RNF126: variants seen among roughly 807,000 people sequenced by gnomAD.
RNF126 encodes the protein ring finger protein 126, also known as E3 ubiquitin-protein ligase RNF126.
Under a neutral mutation model 41.9 loss-of-function variants are expected in RNF126, and 20 were observed. The observed-to-expected ratio is 0.48, with a 90% CI of 0.34 to 0.69. RNF126 has a LOEUF of 0.69. Ranked by LOEUF, RNF126 falls within the 30% of genes least tolerant of loss-of-function variation. The probability of loss-of-function intolerance (pLI) is 0.01; values close to 1 mark genes in which losing one functional copy is unlikely to be tolerated. For missense variants in RNF126, 433 were observed against 460.6 expected (o/e 0.94, Z 0.55); for synonymous variants, 239 against 202.9 (o/e 1.18, Z -1.51).
chr19:660,884 G>A (rs1277707567), intron 1 of RNF126, among the ~76,000 whole-genome samples: 1 of 152,242 alleles, frequency 6.6e-6, no homozygotes, highest in East Asian at 1.9e-4. Context: ...GCGCCTTGTT[G>A]CGTCCTGCTC....
Position 652,276 on chromosome 19 carries a change from G to A in RNF126, c.155C>T (p.Ala52Val), listed in dbSNP as rs143168811. 6.4e-6 allele frequency: 10 copies of A among 1,558,998 alleles called. No individual in the cohort carries two copies. The highest frequency in any genetic ancestry group is 2.7e-5 in the African/African-American group (2 of 72,790). The change falls in exon 3 of 9, where the codon GCC becomes GTC. Residue 52 changes from alanine (A) to valine (V), a missense_variant. Around this residue, in one of 5 missense-constraint regions of RNF126, gnomAD observed 247 missense variants for 224.7 expected, o/e 1.10. Coordinates refer to ENST00000292363, the MANE Select transcript of RNF126 (RefSeq NM_194460.3). ...EETRSTENGS[A>V]PSTAPTDQSR... The stretch of plus-strand genomic sequence containing the variant: ...CTGGTCTGTGGGAGCTGTGGAGGGG[G>A]CAGAACCATTTTCTGTGCTCCTGGG...
At chr19:651,243 A>G (rs746631506) in intron 4 of RNF126, 1 of 174,618 alleles carries the variant, frequency 5.7e-6, no homozygotes, top group Non-Finnish European at 1.2e-5. Flanking sequence ...GGGCCCTGCG[A>G]CGGCTCCCCC....
At chr19:660,338 C>G (rs1432603950) in intron 1 of RNF126, among the ~76,000 whole-genome samples, 2 of 152,252 alleles carry the variant, frequency 1.3e-5, no homozygotes, top group African/African-American at 4.8e-5. Context: ...GAGCCCAGGA[C>G]AGCAAAGGAG....
rs1050726702 is a variant in RNF126 at position 650,293 on chromosome 19, G to A, written c.447C>T (p.Ile149=). The change falls in exon 5 of 9, where the codon ATC becomes ATT. Residue 149 remains isoleucine, a synonymous_variant. Coordinates refer to ENST00000292363, the MANE Select transcript of RNF126 (RefSeq NM_194460.3). The part of the protein sequence containing the change: ...RHEGVPTLEG[I]IQQLVNGIIT... ...TGATGCCGTTGACGAGCTGCTGGAT[G>A]ATCCTGGAAAAGAGAGCGCCAGTCA... The A allele has an allele frequency of 3.2e-6, 5 of 1,579,578 alleles. No homozygotes were observed. Among genetic ancestry groups the A allele is most frequent in the Middle Eastern group, 1.7e-4 (1 of 6,012 alleles).
At chr19:649,783 G>A in intron 5 of RNF126, 35 bp from the exon 6 acceptor site, 1 of 1,509,412 alleles carries the variant, frequency 6.6e-7, no homozygotes, top group Non-Finnish European at 9.0e-7. Context: ...GTGGCTGACG[G>A]GCAGCTGGGG....
chr19:653,454 G>C (rs978532692), intron 1 of RNF126, among the ~76,000 whole-genome samples: 2 of 152,236 alleles, frequency 1.3e-5, no homozygotes, highest in South Asian at 4.1e-4. Flanking sequence ...CCGTGGGTGA[G>C]TCCCAAAACC....
At chr19:660,044 C>A (rs550600338) in intron 1 of RNF126, among the ~76,000 whole-genome samples, 1 of 152,362 alleles carries the variant, frequency 6.6e-6, no homozygotes, top group East Asian at 1.9e-4. Context: ...GGACCACAGG[C>A]GTGAGCCACC....
intron 7 of RNF126, among the ~76,000 whole-genome samples, 154 bp downstream of exon 7, chr19:648,728 G>C (rs1253136836): frequency 6.6e-6 from 1 of 152,230 alleles, no homozygotes; most frequent in African/African-American, 2.4e-5. Context: ...CAGCACTTTG[G>C]GAGGCCGAGG....
rs1376339864 is a variant in RNF126, at chr19:647,940, G to A, written c.*188C>T. The A allele has an allele frequency of 1.5e-6, 1 of 686,230 alleles. No individual in the cohort carries two copies. Among genetic ancestry groups the A allele is most frequent in the Non-Finnish European group, 2.4e-6 (1 of 413,178 alleles). 42.5% of individuals were successfully genotyped at this position (686,230 alleles called of 1,614,324 possible). A position where few individuals can be genotyped will look rare whatever the true frequency, so the allele number is the denominator to read the frequency against. ...CTGGGGACGCCCCAGAGGGGACCAT[G>A]TGGCCCACGCCTTCCCAAGCCAGGG... On this transcript the variant is annotated 3_prime_UTR_variant, in exon 9 of 9. Coordinates refer to ENST00000292363, the MANE Select transcript of RNF126 (RefSeq NM_194460.3).
At chr19:649,654 A>G in intron 6 of RNF126, 25 bp downstream of exon 6, 3 of 1,546,196 alleles carry the variant, frequency 1.9e-6, no homozygotes, top group South Asian at 1.2e-5. Context: ...CCCAGCAGGC[A>G]CTCTGGGCCG....
chr19:651,187 A>C, intron 4 of RNF126, among the ~76,000 whole-genome samples: 1 of 132,016 alleles, frequency 7.6e-6, no homozygotes, highest in African/African-American at 3.0e-5. Context: ...TCCACCAGGA[A>C]TGGGGCCCTG....
intron 1 of RNF126, among the ~76,000 whole-genome samples, chr19:654,642 C>CAAA (rs56141012): frequency 4.1e-5 from 1 of 24,610 alleles, no homozygotes; most frequent in Non-Finnish European, 7.4e-5. Context: ...GACTCCGTCT[C>CAAA]AAAAAAAAAA....
intron 1 of RNF126, among the ~76,000 whole-genome samples, chr19:657,852 C>T (rs747962896): frequency 6.6e-6 from 1 of 152,108 alleles, no homozygotes; most frequent in East Asian, 1.9e-4. Context: ...CTCTGCTGGC[C>T]GACGGTGGGA....
intron 1 of RNF126, among the ~76,000 whole-genome samples, chr19:661,986 C>T (rs1197957879): frequency 2.0e-5 from 3 of 152,152 alleles, no homozygotes; most frequent in Non-Finnish European, 4.4e-5. Context: ...TAAATCACCA[C>T]TTTGCACGTC....
Position 649,683 on chromosome 19 carries a change from GTGA to G in RNF126, c.569_571del (p.Ile190del). Reference sequence around the variant, plus strand: ...TGGGCCGTGGCCACGCTGTACCTGTGTGATGATGGCATCCAGGCCGTTGGCCCC... The same window carrying G: ...TGGGCCGTGGCCACGCTGTACCTGTGTGATGGCATCCAGGCCGTTGGCCCC... On this transcript the variant is annotated inframe_deletion, in exon 6 of 9. Transcript: ENST00000292363. 6.4e-7 allele frequency: 1 copy of G among 1,564,526 alleles called. No homozygotes were observed.
chr19:652,661 G>C, intron 2 of RNF126, 165 bp downstream of exon 2: 1 of 666,604 alleles, frequency 1.5e-6, no homozygotes, highest in Non-Finnish European at 2.6e-6. Context: ...TCACAGAAGA[G>C]AACGGCACGC....
intron 7 of RNF126, 93 bp downstream of exon 7, chr19:648,789 T>C: frequency 3.7e-6 from 3 of 805,304 alleles, no homozygotes; most frequent in Non-Finnish European, 3.8e-6. Context: ...ACCAACATGG[T>C]GAAACCCTGT....
intron 1 of RNF126, among the ~76,000 whole-genome samples, chr19:656,943 G>A (rs370358904): frequency 1.3e-5 from 2 of 152,188 alleles, no homozygotes; most frequent in East Asian, 3.9e-4. Context: ...GCCCAGGGCC[G>A]CTCCATCGCC....
intron 1 of RNF126, among the ~76,000 whole-genome samples, chr19:654,433 A>C (rs2030469382): frequency 6.6e-6 from 1 of 151,924 alleles, no homozygotes; most frequent in African/African-American, 2.4e-5. Context: ...ATCTGAGATC[A>C]GGAGTTGGAG....
Sources: gnomAD v4.1 joint callset for allele counts (sites outside exome capture counted in the v4.1 genomes callset) on GRCh38, gnomAD v4.1.1 for gene constraint, gnomAD v4.1.1 regional missense constraint, MANE v1.5 for transcripts, NCBI Gene and HGNC (gene_info 2026-07-23, HGNC 2026-07-21) for gene names.